Variants in YME1L1 observed in about 807,000 individuals in gnomAD.
YME1L1 encodes YME1 like 1 ATPase.
Under a neutral mutation model 90.4 loss-of-function variants are expected in YME1L1, and 39 were observed. That is an observed-to-expected ratio of 0.43 (90% CI 0.33 to 0.56). YME1L1 has a LOEUF of 0.56. Ranked by LOEUF, YME1L1 falls within the 20% of genes least tolerant of loss-of-function variation. The probability of loss-of-function intolerance (pLI) is 0.03; values close to 1 mark genes in which losing one functional copy is unlikely to be tolerated. For missense variants in YME1L1, 617 were observed against 868.4 expected, an observed-to-expected ratio of 0.71 and a Z score of 3.64; for synonymous variants, 284 against 287.3, an observed-to-expected ratio of 0.99 and a Z score of 0.12.
Position 27,126,757 on chromosome 10 carries a change from T to C in YME1L1, c.888A>G (p.Glu296=). 6.3e-7 allele frequency: 1 copy of C among 1,591,088 alleles called. No individual in the cohort carries two copies. The change falls in exon 9 of 19, where the codon GAA becomes GAG. Residue 296 remains glutamate, a synonymous_variant. Coordinates refer to ENST00000376016, the MANE Select transcript of YME1L1 (RefSeq NM_014263.4). ...GTGGATTTTTCAAGAATTCAACAAC[T>C]TCCTGTAATTCTTGTTTAGCTTCCT... ...GVEEAKQELQ[E]VVEFLKNPQK...
chr10:27,130,391 A>T (rs1431369261), intron 8 of YME1L1, among the ~76,000 whole-genome samples: 1 of 152,190 alleles, frequency 6.6e-6, no homozygotes. Context: ...TGTGGACTTA[A>T]CATACATATA....
At chr10:27,148,158 G>GTT (rs139299898) in intron 2 of YME1L1, among the ~76,000 whole-genome samples, 7,371 of 150,350 alleles carry the variant, frequency 0.049, 282 homozygotes, top group East Asian at 0.16. Flanking sequence ...AAAAACAGGT[G>GTT]TTTTTTTTTA....
At chr10:27,152,097 CAG>C (rs1441252864) in intron 1 of YME1L1, among the ~76,000 whole-genome samples, 1 of 151,672 alleles carries the variant, frequency 6.6e-6, no homozygotes, top group Non-Finnish European at 1.5e-5. Flanking sequence ...CAGAAAGAAA[CAG>C]TAAGTTCCTT....
chr10:27,121,082 A>C (rs1588587087), intron 12 of YME1L1, among the ~76,000 whole-genome samples: 1 of 152,222 alleles, frequency 6.6e-6, no homozygotes, highest in Admixed American at 6.5e-5. Flanking sequence ...TGTAATTCAC[A>C]TAATTTAAAG....
At chr10:27,121,542 T>A in intron 11 of YME1L1, 94 bp from the exon 12 acceptor site, 1 of 896,044 alleles carries the variant, frequency 1.1e-6, no homozygotes, top group Admixed American at 1.8e-5. Context: ...TTTCTTTTTT[T>A]GAGACTAGGA....
intron 4 of YME1L1, among the ~76,000 whole-genome samples, chr10:27,137,421 C>CA (rs2057040682): frequency 6.6e-6 from 1 of 152,142 alleles, no homozygotes; most frequent in Admixed American, 6.5e-5. Context: ...TTGCTGGAAA[C>CA]AATACTGTGG....
chr10:27,148,108 T>G lies in YME1L1; in HGVS notation c.168+798A>C, dbSNP rs528537282. Among the ~76,000 whole-genome samples the G allele has an allele frequency of 6.6e-5, 10 of 152,290 alleles. No homozygotes were observed. In the South Asian group the frequency reaches 2.1e-3, roughly 32 times the overall value. On this transcript the variant is annotated intron_variant, in intron 2 of 18. Transcript: ENST00000376016. Reference sequence around the variant, plus strand: ...CTGGTCCTTTATTTTTTTAAGAGTTTTATTTACTTCTTAAATCCCTACCTA... The same window carrying G: ...CTGGTCCTTTATTTTTTTAAGAGTTGTATTTACTTCTTAAATCCCTACCTA...
chr10:27,135,546 A>C (rs1439758692), intron 5 of YME1L1, among the ~76,000 whole-genome samples: 1 of 152,230 alleles, frequency 6.6e-6, no homozygotes, highest in East Asian at 1.9e-4. Context: ...TCTAAAACAC[A>C]GGGAATAAAC....
chr10:27,114,543 T>C lies in YME1L1; in HGVS notation c.1985A>G (p.Gln662Arg). 1 of 1,613,950 alleles carries C rather than the reference T, an allele frequency of 6.2e-7. No homozygotes were observed. Reference protein sequence around the residue: ...LSPETQSAIEQEIRILLRDSY... With the variant: ...LSPETQSAIEREIRILLRDSY... ...TACCCTTAGAAGGATTCTTATTTCTTGTTCGATGGCAGATTGGGTTTCTGG... is the reference window on the plus strand; with the variant it reads ...TACCCTTAGAAGGATTCTTATTTCTCGTTCGATGGCAGATTGGGTTTCTGG... The change falls in exon 18 of 19, where the codon CAA (glutamine) becomes CGA (arginine). Residue 662 changes from glutamine (Q) to arginine (R), a missense_variant. Coordinates refer to ENST00000376016, the MANE Select transcript of YME1L1 (RefSeq NM_014263.4).
intron 5 of YME1L1, among the ~76,000 whole-genome samples, chr10:27,135,213 G>A (rs1306477733): frequency 6.6e-6 from 1 of 152,098 alleles, no homozygotes; most frequent in East Asian, 1.9e-4. Flanking sequence ...TTCTCTGCAC[G>A]AACACTACAC....
chr10:27,141,903 C>A (rs2057091533), intron 4 of YME1L1, among the ~76,000 whole-genome samples: 1 of 152,160 alleles, frequency 6.6e-6, no homozygotes, highest in South Asian at 2.1e-4. Context: ...ATCACTATCA[C>A]CTGACATCTA....
intron 1 of YME1L1, among the ~76,000 whole-genome samples, chr10:27,150,006 G>A (rs1417687740): frequency 6.6e-6 from 1 of 152,022 alleles, no homozygotes; most frequent in Non-Finnish European, 1.5e-5. Context: ...AACCTGGGAG[G>A]CGGAGGTTGC....
Position 27,149,101 on chromosome 10 carries a change from C to CT in YME1L1, c.34-62dup, listed in dbSNP as rs549059660. 7.1e-6 allele frequency: 10 copies of CT among 1,413,064 alleles called. No individual in the cohort carries two copies. The African/African-American group carries it at 1.0e-4, about 14-fold the overall frequency. The allele number at this position is 1,413,064 out of a possible 1,614,324, so 87.5% of individuals were successfully genotyped here. ...TTTTTTAAATAAACAGAACAATCTCCTTTTTTTGTCAGGATTTGTTAAGAG... is the reference window on the plus strand; with the variant it reads ...TTTTTTAAATAAACAGAACAATCTCCTTTTTTTTGTCAGGATTTGTTAAGAG... On this transcript the variant is annotated intron_variant, in intron 1 of 18. Coordinates refer to ENST00000376016, the MANE Select transcript of YME1L1 (RefSeq NM_014263.4).
chr10:27,119,645 C>G lies in YME1L1; in HGVS notation c.1412-196G>C, dbSNP rs187042184. 5.1e-3 allele frequency among the ~76,000 whole-genome samples: 775 copies of G among 152,222 alleles called. 6 individuals are homozygous for G. The highest frequency in any genetic ancestry group is 0.018 in the African/African-American group (740 of 41,536). ...CCAACATGGTGAAACCCCATCTCTACTAAAAATACAAAAATTAGCTGGGCA... is the reference window on the plus strand; with the variant it reads ...CCAACATGGTGAAACCCCATCTCTAGTAAAAATACAAAAATTAGCTGGGCA... On this transcript the variant is annotated intron_variant, in intron 13 of 18. Coordinates refer to ENST00000376016, the MANE Select transcript of YME1L1 (RefSeq NM_014263.4).
intron 5 of YME1L1, 44 bp from the exon 6 acceptor site, chr10:27,135,025 G>A: frequency 6.5e-7 from 1 of 1,550,044 alleles, no homozygotes; most frequent in Non-Finnish European, 8.8e-7. Context: ...ACAACACAGT[G>A]ATACTTCCCA....
intron 2 of YME1L1, chr10:27,147,501 G>A: frequency 6.2e-7 from 1 of 1,613,008 alleles, no homozygotes; most frequent in Non-Finnish European, 8.5e-7. Flanking sequence ...AGTGTACAGG[G>A]ATTGAGAGGG....
intron 1 of YME1L1, among the ~76,000 whole-genome samples, chr10:27,152,178 A>T (rs191052602): frequency 6.6e-6 from 1 of 152,364 alleles, no homozygotes. Context: ...AAAATAATCA[A>T]ATCATTTCAA....
At chr10:27,142,749 T>TC (rs200924054) in intron 3 of YME1L1, among the ~76,000 whole-genome samples, 1,611 of 152,268 alleles carry the variant, frequency 0.011, 113 homozygotes, top group Admixed American at 0.091. Context: ...GGAGTCCCGC[T>TC]CTGTCGCCCA....
intron 18 of YME1L1, 25 bp from the exon 19 acceptor site, chr10:27,112,145 A>G: frequency 6.3e-7 from 1 of 1,589,332 alleles, no homozygotes; most frequent in Non-Finnish European, 8.6e-7. Context: ...GAGATACGTA[A>G]GCAGCAGCAA....
Sources: gnomAD v4.1 joint callset for allele counts (sites outside exome capture counted in the v4.1 genomes callset) on GRCh38, gnomAD v4.1.1 for gene constraint, MANE v1.5 for transcripts, NCBI Gene and HGNC (gene_info 2026-07-23, HGNC 2026-07-21) for gene names.